The following TNRC6B variants were observed in gnomAD, a reference collection of about 807,000 sequenced individuals.
TNRC6B encodes trinucleotide repeat-containing gene 6B protein.
TNRC6B carries 52 observed loss-of-function variants against 203.6 expected under a neutral mutation model. The ratio of observed to expected loss-of-function variants is 0.26; its 90% confidence interval spans 0.20 to 0.32. The LOEUF is 0.32. Among genes scored for constraint, TNRC6B ranks in the 10% least tolerant of loss-of-function variants. The pLI, the probability that TNRC6B is intolerant of heterozygous loss-of-function variation, is 1.00. For synonymous variants in TNRC6B, 838 were observed against 845.7 expected (o/e 0.99, Z 0.16); for missense variants, 1,923 against 2,286.2 (o/e 0.84, Z 3.24).
intron 1 of TNRC6B, among the ~76,000 whole-genome samples, chr22:40,238,539 T>A (rs2069980807): frequency 6.6e-6 from 1 of 152,096 alleles, no homozygotes; most frequent in Non-Finnish European, 1.5e-5. Context: ...CTGTACTGCA[T>A]TCTGGTTGCC....
At chr22:40,056,810 A>C (rs2067800463) in intron 1 of TNRC6B, among the ~76,000 whole-genome samples, 1 of 151,526 alleles carries the variant, frequency 6.6e-6, no homozygotes, top group Non-Finnish European at 1.5e-5. Context: ...AAAAAAAAAA[A>C]AAAAGAAAGA....
intron 1 of TNRC6B, among the ~76,000 whole-genome samples, chr22:40,068,416 C>T (rs896778076): frequency 6.6e-6 from 1 of 152,040 alleles, no homozygotes; most frequent in Non-Finnish European, 1.5e-5. Flanking sequence ...CTCCTGGGTT[C>T]AGGTGATTGT....
intron 1 of TNRC6B, among the ~76,000 whole-genome samples, chr22:40,221,766 T>C (rs2069713371): frequency 6.9e-6 from 1 of 145,476 alleles, no homozygotes; most frequent in African/African-American, 2.5e-5. Flanking sequence ...CCCCCCTTTT[T>C]TTTTTTTGAC....
At chr22:40,192,661 G>A (rs1020704276) in intron 1 of TNRC6B, among the ~76,000 whole-genome samples, 1 of 152,104 alleles carries the variant, frequency 6.6e-6, no homozygotes. Flanking sequence ...CTTCCGAAGT[G>A]GGATGAGTCC....
chr22:40,102,964 C>G (rs967039502), intron 1 of TNRC6B, among the ~76,000 whole-genome samples: 1 of 152,082 alleles, frequency 6.6e-6, no homozygotes, highest in Non-Finnish European at 1.5e-5. Flanking sequence ...GTAATCCCAG[C>G]TACTCGGGAG....
chr22:40,169,226 G>T (rs1316078877), intron 4 of TNRC6B, among the ~76,000 whole-genome samples: 1 of 151,074 alleles, frequency 6.6e-6, no homozygotes. Context: ...CTGCCTCCCG[G>T]GTTCAAGCTA....
At chr22:40,204,757 C>G (rs2069458385) in intron 1 of TNRC6B, among the ~76,000 whole-genome samples, 1 of 152,162 alleles carries the variant, frequency 6.6e-6, no homozygotes, top group Non-Finnish European at 1.5e-5. Flanking sequence ...ACTTAGGCCA[C>G]CTGCCATTGT....
chr22:40,126,571 C>T (rs2068495130), intron 3 of TNRC6B, among the ~76,000 whole-genome samples: 1 of 135,048 alleles, frequency 7.4e-6, no homozygotes, highest in Non-Finnish European at 1.6e-5. Context: ...CTACAAAGGA[C>T]GTTATTTAAT....
chr22:40,263,246 A>C (rs1569043407), intron 4 of TNRC6B, among the ~76,000 whole-genome samples: 1 of 152,188 alleles, frequency 6.6e-6, no homozygotes, highest in African/African-American at 2.4e-5. Flanking sequence ...AGGATGCTTT[A>C]TTTGAGTTCT....
chr22:40,146,194 G>C (rs1026653998), intron 3 of TNRC6B, among the ~76,000 whole-genome samples: 1 of 152,168 alleles, frequency 6.6e-6, no homozygotes, highest in Non-Finnish European at 1.5e-5. Flanking sequence ...GCCTCAAGAA[G>C]TTTGCATTCG....
chr22:40,222,121 G>A (rs1001362808), intron 1 of TNRC6B, among the ~76,000 whole-genome samples: 15 of 152,082 alleles, frequency 9.9e-5, no homozygotes, highest in Admixed American at 3.3e-4. Flanking sequence ...TCTTCACGCC[G>A]TCTCGTAGTC....
intron 1 of TNRC6B, among the ~76,000 whole-genome samples, chr22:40,188,576 C>T (rs1385246286): frequency 1.3e-5 from 2 of 152,158 alleles, no homozygotes; most frequent in Non-Finnish European, 1.5e-5. Context: ...CCTCCAGGAT[C>T]CCAGGGCAGC....
chr22:40,252,604 C>T (rs146428101), intron 3 of TNRC6B, among the ~76,000 whole-genome samples: 7 of 152,156 alleles, frequency 4.6e-5, no homozygotes, highest in South Asian at 4.2e-4. Context: ...GAATGTAGTC[C>T]GGGAGTTTGT....
At position 40,117,433 on chromosome 22, in the gene TNRC6B, C is replaced by T. The variant is rs548138163; in HGVS notation, c.-47+305C>T. 1.2e-4 allele frequency among the ~76,000 whole-genome samples: 19 copies of T among 152,272 alleles called. No individual in the cohort carries two copies. The South Asian group carries it at 1.5e-3, about 12-fold the overall frequency. On this transcript the variant is annotated intron_variant, in intron 2 of 23. Transcript: ENST00000301923. ...CTCTGTCTCTCACCTTTCCCTGCTG[C>T]GGTCTGTAGTCCACATTACTGCCAG...
At chr22:40,222,004 T>C (rs2069716790) in intron 1 of TNRC6B, among the ~76,000 whole-genome samples, 1 of 151,928 alleles carries the variant, frequency 6.6e-6, no homozygotes, top group East Asian at 1.9e-4. Context: ...TACCAGAAGG[T>C]AGGATGACTT....
chr22:40,220,933 TG>T (rs904569191), intron 1 of TNRC6B, among the ~76,000 whole-genome samples: 3 of 152,206 alleles, frequency 2.0e-5, no homozygotes, highest in African/African-American at 7.2e-5. Context: ...GAAGCCGGCA[TG>T]TGGGGGAGAG....
intron 2 of TNRC6B, among the ~76,000 whole-genome samples, chr22:40,117,522 T>C (rs2068400306): frequency 6.6e-6 from 1 of 152,246 alleles, no homozygotes; most frequent in Non-Finnish European, 1.5e-5. Context: ...CCTCATGGCA[T>C]CCAGTTGCTG....
intron 3 of TNRC6B, among the ~76,000 whole-genome samples, chr22:40,132,969 A>ATATATATAT (rs1555884686): frequency 0.017 from 1,323 of 78,146 alleles, 46 homozygotes; most frequent in Non-Finnish European, 0.02. Flanking sequence ...AAAAAAAAAA[A>ATATATATAT]ATATATATAT....
At chr22:40,293,190 CTTTTTTTTT>C (rs748230080) in intron 12 of TNRC6B, among the ~76,000 whole-genome samples, 6 of 79,454 alleles carry the variant, frequency 7.6e-5, no homozygotes, top group Non-Finnish European at 4.5e-5. Context: ...ATATCCTTTT[CTTTTTTTTT>C]TTTTTTTTTT....
Sources: allele counts gnomAD v4.1 joint callset (sites outside exome capture counted in the v4.1 genomes callset), GRCh38; gene constraint gnomAD v4.1.1; transcripts MANE v1.5; gene names NCBI Gene and HGNC (gene_info 2026-07-23, HGNC 2026-07-21).